The following NKIRAS1 variants were observed in gnomAD, a reference collection of about 807,000 sequenced individuals.
NKIRAS1 encodes NFKB inhibitor interacting Ras like 1.
A neutral mutation model predicts 19.8 loss-of-function variants in NKIRAS1; 16 were observed. That is an observed-to-expected ratio of 0.81 (90% CI 0.55 to 1.23). NKIRAS1 has a LOEUF of 1.23. Among genes scored for constraint, NKIRAS1 ranks in the 50% most tolerant of loss-of-function variants. NKIRAS1 has a pLI of 0.00. For missense variants in NKIRAS1, 184 were observed against 220.0 expected (o/e 0.84, Z 1.04); for synonymous variants, 88 against 79.0 (o/e 1.11, Z -0.61).
rs535826763 is a variant in NKIRAS1, at chr3:23,926,759, G to A, written c.-139-15309C>T. On this transcript the variant is annotated intron_variant, in intron 1 of 4. Transcript: ENST00000421515. This position sits in a 1 kb window ranked among gnomAD's most constrained non-coding sequence, Gnocchi z 4.3. ...CTACAACACCTTTTCTAAGAAAAAA[G>A]GTTTTGGTCGAAAAAGACCTTTAGT... 6.6e-6 allele frequency among the ~76,000 whole-genome samples: 1 copy of A among 152,262 alleles called. No homozygotes were observed. The highest frequency in any genetic ancestry group is 1.5e-5 in the Non-Finnish European group (1 of 68,006).
Position 23,890,896 on chromosome 3 carries a change from A to G in NKIRAS1, c.*2199T>C. The G allele has an allele frequency of 4.3e-6, 1 of 235,118 alleles. No individual in the cohort carries two copies. The highest frequency in any genetic ancestry group is 8.2e-6 in the Non-Finnish European group (1 of 121,920). The allele number at this position is 235,118 out of a possible 1,614,324, so 14.6% of individuals were successfully genotyped here. On this transcript the variant is annotated 3_prime_UTR_variant, in exon 5 of 5. Coordinates refer to ENST00000425478, the MANE Select transcript of NKIRAS1 (RefSeq NM_020345.4). ...TTGGGTTCAGTTGCTTGTAGTCTGT[A>G]AATTTAAAACAGCTTAATTTGGTAC...
intron 3 of NKIRAS1, among the ~76,000 whole-genome samples, chr3:23,909,388 G>A (rs760553469): frequency 1.1e-4 from 16 of 152,146 alleles, no homozygotes; most frequent in Non-Finnish European, 1.6e-4. Flanking sequence ...TTAGCCAGAC[G>A]TGGTAGCACG....
intron 1 of NKIRAS1, among the ~76,000 whole-genome samples, chr3:23,932,748 A>T (rs1396459365): frequency 6.6e-6 from 1 of 151,960 alleles, no homozygotes; most frequent in Non-Finnish European, 1.5e-5. Context: ...GGCAGAGAAG[A>T]TTGCTGGTGC....
chr3:23,900,319 G>C (rs527756606), intron 4 of NKIRAS1, among the ~76,000 whole-genome samples: 35 of 152,136 alleles, frequency 2.3e-4, no homozygotes, highest in African/African-American at 8.4e-4. Flanking sequence ...AATTCAGTCA[G>C]ACCTGTATTT....
intron 3 of NKIRAS1, among the ~76,000 whole-genome samples, chr3:23,902,328 CAT>C (rs1200631779): frequency 2.0e-5 from 3 of 152,108 alleles, no homozygotes; most frequent in African/African-American, 7.2e-5. Flanking sequence ...CATGGTAATA[CAT>C]AGATTGGATC....
At chr3:23,931,311 C>A (rs1705311142) in intron 1 of NKIRAS1, among the ~76,000 whole-genome samples, 8 of 152,166 alleles carry the variant, frequency 5.3e-5, no homozygotes, top group Admixed American at 5.2e-4. Context: ...GCCATCCTGG[C>A]CTCCTCTCTC....
rs1165449356 is a variant in NKIRAS1 at position 23,916,874 on chromosome 3, C to T, written c.-230G>A. The T allele has an allele frequency of 6.5e-6, 1 of 152,874 alleles. No homozygotes were observed. The highest frequency in any genetic ancestry group is 1.9e-4 in the East Asian group (1 of 5,206). 9.5% of individuals were successfully genotyped at this position (152,874 alleles called of 1,614,324 possible). ...CTGGACCCCAACTTGCCTCCTCTCG[C>T]GGAGAGACAGTCGCCGACGCTCGCT... On this transcript the variant is annotated 5_prime_UTR_variant, in exon 1 of 5. Coordinates refer to ENST00000425478, the MANE Select transcript of NKIRAS1 (RefSeq NM_020345.4).
At position 23,927,771 on chromosome 3, in the gene NKIRAS1, G is replaced by A. The variant is rs1025652015; in HGVS notation, c.-139-16321C>T. On this transcript the variant is annotated intron_variant, in intron 1 of 4. Transcript: ENST00000421515. The surrounding 1 kb of genome is among the most constrained non-coding windows in gnomAD (Gnocchi z 4.0). ...GCTAGGATGTTTTGCTTATCAAAAA[G>A]AAAGATTCAAAAAATGATCATCCAA... 2.0e-5 allele frequency among the ~76,000 whole-genome samples: 3 copies of A among 152,084 alleles called. No individual in the cohort carries two copies. Among genetic ancestry groups the A allele is most frequent in the African/African-American group, 7.2e-5 (3 of 41,410 alleles).
upstream of NKIRAS1, chr3:23,920,720 T>A (rs1002624626): frequency 1.0e-6 from 1 of 982,310 alleles, no homozygotes; most frequent in Non-Finnish European, 1.2e-6. Flanking sequence ...GAAGTACTCA[T>A]AGCAAGTTCA....
chr3:23,915,545 C>G (rs1280821482), intron 1 of NKIRAS1, among the ~76,000 whole-genome samples: 1 of 152,182 alleles, frequency 6.6e-6, no homozygotes, highest in East Asian at 1.9e-4. Context: ...TCCTTTTAGC[C>G]TCAAAAGGAG....
intron 1 of NKIRAS1, among the ~76,000 whole-genome samples, chr3:23,932,016 A>G (rs570314607): frequency 3.3e-5 from 5 of 152,316 alleles, no homozygotes; most frequent in South Asian, 2.1e-4. Context: ...TGTAAGCTAT[A>G]CTACCCCAAA....
chr3:23,946,198 C>G, intron 1 of NKIRAS1: 1 of 985,388 alleles, frequency 1.0e-6, no homozygotes, highest in South Asian at 4.7e-5. Context: ...GCGGGGCGTC[C>G]CCGAAGCGGG....
At chr3:23,919,490 C>T (rs988983281), upstream of NKIRAS1, 14 of 1,569,662 alleles carry the variant, frequency 8.9e-6, no homozygotes, top group Admixed American at 3.7e-5. Flanking sequence ...CCAGCTCCAC[C>T]GTTACCGCTA....
At chr3:23,919,966 C>T (rs558283953), upstream of NKIRAS1, 5 of 988,684 alleles carry the variant, frequency 5.1e-6, no homozygotes, top group African/African-American at 8.7e-5. Context: ...AGAAAATTGC[C>T]TCAGCCTCCA....
chr3:23,937,046 C>G (rs1197537224), intron 1 of NKIRAS1, among the ~76,000 whole-genome samples: 1 of 152,072 alleles, frequency 6.6e-6, no homozygotes, highest in Non-Finnish European at 1.5e-5. Context: ...GAAAAGGGAC[C>G]CACCTGGGTC....
At chr3:23,913,574 T>C (rs999809478) in intron 1 of NKIRAS1, among the ~76,000 whole-genome samples, 1 of 152,228 alleles carries the variant, frequency 6.6e-6, no homozygotes, top group Non-Finnish European at 1.5e-5. Context: ...TACTTTATTT[T>C]CTATAAATGA....
upstream of NKIRAS1, chr3:23,920,527 C>T (rs1410756618): frequency 1.0e-6 from 1 of 985,284 alleles, no homozygotes; most frequent in African/African-American, 1.7e-5. Context: ...TCTGTTTGCA[C>T]CATGTCTTCC....
chr3:23,917,875 T>C (rs1345458352), upstream of NKIRAS1: 1 of 1,609,176 alleles, frequency 6.2e-7, no homozygotes, highest in African/African-American at 1.3e-5. Flanking sequence ...TGCATACAAG[T>C]ACATCCAGGA....
chr3:23,901,972 T>C lies in NKIRAS1; in HGVS notation c.95-923A>G, dbSNP rs1335389510. Among the ~76,000 whole-genome samples, 5 of 151,728 alleles carry C rather than the reference T, an allele frequency of 3.3e-5. 1 individual carries two copies. Among genetic ancestry groups the C allele is most frequent in the Admixed American group, 2.0e-4 (3 of 15,234 alleles). On this transcript the variant is annotated intron_variant, in intron 3 of 4. Coordinates refer to ENST00000425478, the MANE Select transcript of NKIRAS1 (RefSeq NM_020345.4). ...CCTGTTATCCCAGCTACTCAGGAGG[T>C]TGAGGCAGGGAGAATTGCTTGAACC...
Sources: gnomAD v4.1 joint callset for allele counts (sites outside exome capture counted in the v4.1 genomes callset) on GRCh38, gnomAD v4.1.1 for gene constraint, Gnocchi (gnomAD v3.1) non-coding constraint, MANE v1.5 for transcripts, NCBI Gene and HGNC (gene_info 2026-07-23, HGNC 2026-07-21) for gene names.